USH2A: variants seen among roughly 807,000 people sequenced by gnomAD.
USH2A encodes the protein usherin, also known as Usher syndrome 2A (autosomal recessive, mild).
Under a neutral mutation model 538.9 loss-of-function variants are expected in USH2A, and 443 were observed. The observed-to-expected ratio is 0.82, with a 90% CI of 0.76 to 0.89. The LOEUF (loss-of-function observed/expected upper bound fraction) is 0.89. USH2A is among the 40% of genes least tolerant of loss of function. The probability of loss-of-function intolerance (pLI) is 0.00; values close to 1 mark genes in which losing one functional copy is unlikely to be tolerated. For missense variants in USH2A, 6,633 were observed against 6,324.8 expected, an observed-to-expected ratio of 1.05 and a Z score of -1.65; for synonymous variants, 2,413 against 2,273.5, an observed-to-expected ratio of 1.06 and a Z score of -1.75.
intron 32 of USH2A, among the ~76,000 whole-genome samples, chr1:216,016,740 T>A (rs1422877136): frequency 6.6e-6 from 1 of 151,952 alleles, no homozygotes; most frequent in East Asian, 1.9e-4. Context: ...CTTTCTGCAA[T>A]AAGAAAACTG....
chr1:215,664,580 C>A (rs1657545104), intron 64 of USH2A, among the ~76,000 whole-genome samples: 1 of 152,202 alleles, frequency 6.6e-6, no homozygotes, highest in African/African-American at 2.4e-5. Context: ...CTGTAGCTTA[C>A]CACTACTCTG....
chr1:215,744,233 G>A (rs1660400100), intron 58 of USH2A, among the ~76,000 whole-genome samples: 1 of 152,198 alleles, frequency 6.6e-6, no homozygotes, highest in South Asian at 2.1e-4. Context: ...TATTGGGCCA[G>A]GACAGTTCAC....
intron 21 of USH2A, among the ~76,000 whole-genome samples, chr1:216,106,758 ACTTTTTT>A (rs1480879050): frequency 1.3e-5 from 2 of 151,660 alleles, no homozygotes; most frequent in African/African-American, 4.8e-5. Flanking sequence ...GAAAGCTTGG[ACTTTTTT>A]CTTCTAAGAT....
In USH2A at chr1:216,162,357, T is replaced by C. The variant is rs555687373; in HGVS notation, c.4627+12895A>G. Among the ~76,000 whole-genome samples the C allele has an allele frequency of 4.9e-4, 74 of 152,228 alleles. 2 individuals are homozygous for C. The South Asian group carries it at 0.015, about 30-fold the overall frequency. ...TTTCCTATTAATTACTGTACAGATT[T>C]CAATTTTGCATTGAAATATTTTTTA... On this transcript the variant is annotated intron_variant, in intron 21 of 71. Coordinates refer to ENST00000307340, the MANE Select transcript of USH2A (RefSeq NM_206933.4).
At chr1:215,741,748 A>C (rs1226226777) in intron 59 of USH2A, among the ~76,000 whole-genome samples, 1 of 152,218 alleles carries the variant, frequency 6.6e-6, no homozygotes, top group African/African-American at 2.4e-5. Flanking sequence ...TCACATATTT[A>C]TATAGACATA....
Position 216,072,875 on chromosome 1 carries a change from A to G in USH2A, c.5857+14T>C. 1.9e-6 allele frequency: 3 copies of G among 1,610,004 alleles called. No homozygotes were observed. Among genetic ancestry groups the G allele is most frequent in the Non-Finnish European group, 2.6e-6 (3 of 1,176,366 alleles). On this transcript the variant is annotated intron_variant, in intron 29 of 71. Transcript: ENST00000307340. ...TGTGTGTGTGCACATATGCATTTGA[A>G]GATAAGTATTTACCTGCTCCTGTTG...
At chr1:216,304,301 AC>A (rs1211544789) in intron 9 of USH2A, among the ~76,000 whole-genome samples, 3 of 151,988 alleles carry the variant, frequency 2.0e-5, no homozygotes, top group Non-Finnish European at 4.4e-5. Context: ...TACTATGTGT[AC>A]TATGTAGTAC....
intron 61 of USH2A, among the ~76,000 whole-genome samples, chr1:215,690,038 T>C (rs1274705330): frequency 6.6e-6 from 1 of 152,224 alleles, no homozygotes; most frequent in African/African-American, 2.4e-5. Flanking sequence ...AGAATGAAAG[T>C]AAATCAGTGG....
At chr1:215,650,541 TA>T in intron 65 of USH2A, 50 bp downstream of exon 65, 1 of 1,603,294 alleles carries the variant, frequency 6.2e-7, no homozygotes, top group Non-Finnish European at 8.5e-7. Flanking sequence ...GGTTTCATAG[TA>T]ATGATTTTTA....
intron 66 of USH2A, among the ~76,000 whole-genome samples, chr1:215,648,253 C>T (rs930762101): frequency 2.6e-5 from 4 of 152,138 alleles, no homozygotes; most frequent in African/African-American, 7.2e-5. Context: ...AATACGAACA[C>T]ATTGCATTGT....
intron 32 of USH2A, among the ~76,000 whole-genome samples, chr1:216,031,146 G>T (rs17025898): frequency 0.041 from 6,247 of 151,822 alleles, 341 homozygotes; most frequent in African/African-American, 0.13. Flanking sequence ...AGAATTCAGG[G>T]GCTGTTAATA....
intron 37 of USH2A, among the ~76,000 whole-genome samples, chr1:215,958,989 T>A (rs951916667): frequency 9.0e-6 from 1 of 111,138 alleles, no homozygotes; most frequent in Non-Finnish European, 1.9e-5. Context: ...TATGTGAAGA[T>A]GCCCTTCTTT....
intron 43 of USH2A, among the ~76,000 whole-genome samples, chr1:215,869,774 T>A (rs193204978): frequency 3.3e-4 from 51 of 152,342 alleles, no homozygotes; most frequent in Middle Eastern, 6.8e-3. Flanking sequence ...ATGTTTGTGG[T>A]TCTTTCCTAC....
chr1:215,858,502 G>A (rs900575701), intron 44 of USH2A, among the ~76,000 whole-genome samples: 3 of 148,690 alleles, frequency 2.0e-5, no homozygotes, highest in East Asian at 2.0e-4. Context: ...CACCTATCTC[G>A]CATGTCGTCT....
intron 61 of USH2A, among the ~76,000 whole-genome samples, chr1:215,694,538 A>G (rs1485020441): frequency 1.3e-5 from 2 of 152,200 alleles, no homozygotes; most frequent in African/African-American, 2.4e-5. Context: ...ACGCCACTGC[A>G]CTCCAGCCTG....
chr1:215,986,586 T>C (rs186715251), intron 35 of USH2A, among the ~76,000 whole-genome samples: 1 of 152,270 alleles, frequency 6.6e-6, no homozygotes, highest in Admixed American at 6.5e-5. Flanking sequence ...ATCTACAGAT[T>C]ACCAGGCTGA....
chr1:215,649,791 T>C (rs1656993064), intron 65 of USH2A, among the ~76,000 whole-genome samples: 1 of 152,188 alleles, frequency 6.6e-6, no homozygotes, highest in Non-Finnish European at 1.5e-5. Flanking sequence ...TATACAATGT[T>C]TGTGTGAACA....
chr1:216,074,182 C>T (rs2031667526), intron 27 of USH2A, among the ~76,000 whole-genome samples: 1 of 152,166 alleles, frequency 6.6e-6, no homozygotes, highest in Non-Finnish European at 1.5e-5. Context: ...TCCAGTTAGC[C>T]AGGGAATAGC....
intron 35 of USH2A, among the ~76,000 whole-genome samples, chr1:215,987,053 A>G (rs1667888431): frequency 6.7e-6 from 1 of 149,314 alleles, no homozygotes; most frequent in African/African-American, 2.6e-5. Flanking sequence ...TTAGTATTTA[A>G]AAAAAACACA....
Sources: gnomAD v4.1 joint callset for allele counts (sites outside exome capture counted in the v4.1 genomes callset) on GRCh38, gnomAD v4.1.1 for gene constraint, MANE v1.5 for transcripts, NCBI Gene and HGNC (gene_info 2026-07-23, HGNC 2026-07-21) for gene names.